MAGI2: variants seen among roughly 807,000 people sequenced by gnomAD.
MAGI2 encodes membrane associated guanylate kinase, WW and PDZ domain containing 2.
Under a neutral mutation model 133.3 loss-of-function variants are expected in MAGI2, and 35 were observed. The observed-to-expected ratio is 0.26, with a 90% CI of 0.20 to 0.35. The LOEUF (loss-of-function observed/expected upper bound fraction) is 0.35, where lower values mean the gene tolerates loss of function less well. Ranked by LOEUF, MAGI2 falls within the 10% of genes least tolerant of loss-of-function variation. The pLI is 1.00. For missense variants in MAGI2, 1,636 were observed against 1,863.4 expected (o/e 0.88, Z 2.25); for synonymous variants, 729 against 710.6 (o/e 1.03, Z -0.41).
chr7:78,676,597 A>C (rs957372771), intron 2 of MAGI2, among the ~76,000 whole-genome samples: 6 of 152,132 alleles, frequency 3.9e-5, no homozygotes, highest in African/African-American at 1.4e-4. Context: ...ACTACAGATT[A>C]TTTCAGCTCA....
chr7:78,554,884 C>T (rs2150715985), intron 3 of MAGI2, among the ~76,000 whole-genome samples: 1 of 152,176 alleles, frequency 6.6e-6, no homozygotes, highest in African/African-American at 2.4e-5. Flanking sequence ...TGTGGGTAAT[C>T]CCAGCACTTT....
intron 2 of MAGI2, among the ~76,000 whole-genome samples, chr7:78,919,387 T>C (rs1170318583): frequency 1.3e-5 from 2 of 152,094 alleles, no homozygotes; most frequent in African/African-American, 4.8e-5. Context: ...TTATATATAA[T>C]TTAATAGAGA....
chr7:78,184,155 C>T (rs536784863), intron 13 of MAGI2, among the ~76,000 whole-genome samples: 12 of 152,220 alleles, frequency 7.9e-5, no homozygotes, highest in Non-Finnish European at 1.5e-4. Context: ...AAGACATGTG[C>T]TTTTTGTGAC....
intron 2 of MAGI2, among the ~76,000 whole-genome samples, chr7:78,978,365 G>A (rs1804477974): frequency 6.6e-6 from 1 of 151,820 alleles, no homozygotes; most frequent in African/African-American, 2.4e-5. Flanking sequence ...GAAGACACAT[G>A]AAAGACATGC....
chr7:78,117,753 A>C (rs1820022034), intron 20 of MAGI2, among the ~76,000 whole-genome samples: 1 of 152,230 alleles, frequency 6.6e-6, no homozygotes, highest in Non-Finnish European at 1.5e-5. Flanking sequence ...ATTTTTATGC[A>C]GAAAATCCAG....
chr7:78,388,073 G>A (rs1447972967), intron 6 of MAGI2, among the ~76,000 whole-genome samples: 1 of 152,206 alleles, frequency 6.6e-6, no homozygotes, highest in Non-Finnish European at 1.5e-5. Flanking sequence ...ATTTAGGTAA[G>A]TATATTTGAC....
intron 7 of MAGI2, chr7:78,347,242 G>C (rs1791014530): frequency 1.3e-5 from 2 of 152,316 alleles, no homozygotes; most frequent in Non-Finnish European, 1.5e-5. Context: ...CTTCAGAAAG[G>C]AAAGGAGACA....
At chr7:78,773,070 A>G (rs1043604281) in intron 2 of MAGI2, among the ~76,000 whole-genome samples, 14 of 152,324 alleles carry the variant, frequency 9.2e-5, no homozygotes, top group African/African-American at 3.4e-4. Flanking sequence ...AGGCAAGGAC[A>G]GACAGTGAGA....
chr7:78,630,269 C>T (rs1487771684), intron 2 of MAGI2, among the ~76,000 whole-genome samples: 2 of 151,880 alleles, frequency 1.3e-5, no homozygotes, highest in East Asian at 1.9e-4. Flanking sequence ...AATTCTAACC[C>T]TACTGCACAT....
intron 1 of MAGI2, among the ~76,000 whole-genome samples, chr7:79,380,166 G>C (rs943250947): frequency 6.6e-6 from 1 of 151,750 alleles, no homozygotes; most frequent in East Asian, 1.9e-4. Flanking sequence ...TTAAACTAAA[G>C]AGCTTCTGCA....
At chr7:78,855,309 G>A (rs1002665483) in intron 2 of MAGI2, among the ~76,000 whole-genome samples, 2 of 152,046 alleles carry the variant, frequency 1.3e-5, no homozygotes, top group African/African-American at 4.8e-5. Context: ...CAACTTGCAG[G>A]TTTGTAACAT....
At chr7:79,275,272 A>G (rs1383412117) in intron 1 of MAGI2, among the ~76,000 whole-genome samples, 3 of 152,200 alleles carry the variant, frequency 2.0e-5, no homozygotes, top group Admixed American at 1.3e-4. Flanking sequence ...ACTCCAGTGA[A>G]CATACAAATG....
rs758510808 is a variant in MAGI2 at position 78,521,466 on chromosome 7, G to T, written c.718C>A (p.Pro240Thr). 16 of 1,613,900 alleles carry T rather than the reference G, an allele frequency of 9.9e-6. No homozygotes were observed. The highest frequency in any genetic ancestry group is 1.3e-5 in the Non-Finnish European group (15 of 1,179,972). ...ACTACTCCATTTCCATTGACCACAG[G>T]CCTCTCTTCCTCTTCCTCCTCAGGA... is the stretch of plus-strand genomic sequence containing the variant. Reference protein sequence around the residue: ...EPPEEEEEERPVVNGNGVVVT... With the variant: ...EPPEEEEEERTVVNGNGVVVT... The change falls in exon 4 of 22, where the codon CCT becomes ACT. Residue 240 changes from proline (P) to threonine (T), a missense_variant. Physicochemically the swap from Pro to Thr is conservative, Grantham distance 38. Around this residue, in one of 5 missense-constraint regions of MAGI2, gnomAD observed 165 missense variants for 128.4 expected, o/e 1.28. Transcript: ENST00000354212.
chr7:78,481,093 G>A (rs764301426), intron 6 of MAGI2, among the ~76,000 whole-genome samples: 1 of 151,876 alleles, frequency 6.6e-6, no homozygotes, highest in Non-Finnish European at 1.5e-5. Flanking sequence ...AATGGCAAAA[G>A]ACCTAAAATA....
At chr7:78,823,168 T>C (rs919696610) in intron 2 of MAGI2, among the ~76,000 whole-genome samples, 3 of 152,206 alleles carry the variant, frequency 2.0e-5, no homozygotes, top group Non-Finnish European at 4.4e-5. Context: ...TTTAAATAGA[T>C]AAGTTCGTAG....
At chr7:79,399,759 AT>A (rs1241059691) in intron 1 of MAGI2, among the ~76,000 whole-genome samples, 4 of 152,188 alleles carry the variant, frequency 2.6e-5, no homozygotes, top group African/African-American at 7.2e-5. Flanking sequence ...AAATTCATGC[AT>A]CTAATCCAGT....
chr7:78,118,339 T>G (rs1452541850), intron 20 of MAGI2, among the ~76,000 whole-genome samples: 1 of 152,034 alleles, frequency 6.6e-6, no homozygotes, highest in Non-Finnish European at 1.5e-5. Flanking sequence ...ATGAAAGAAA[T>G]AATTAGGAAG....
At chr7:79,013,741 T>C (rs1243399232) in intron 1 of MAGI2, among the ~76,000 whole-genome samples, 1 of 152,066 alleles carries the variant, frequency 6.6e-6, no homozygotes. Context: ...GTGGCCAGAG[T>C]ACTACACAAA....
chr7:78,030,359 C>T (rs1328350937), intron 21 of MAGI2, among the ~76,000 whole-genome samples: 5 of 152,164 alleles, frequency 3.3e-5, no homozygotes, highest in African/African-American at 7.2e-5. Flanking sequence ...CTGGTTCAAG[C>T]GATTCTCCTG....
Sources: gnomAD v4.1 joint callset for allele counts (sites outside exome capture counted in the v4.1 genomes callset) on GRCh38, gnomAD v4.1.1 for gene constraint, gnomAD v4.1.1 regional missense constraint, MANE v1.5 for transcripts, NCBI Gene and HGNC (gene_info 2026-07-23, HGNC 2026-07-21) for gene names.